ZFHX3: variants seen among roughly 807,000 people sequenced by gnomAD.
The protein encoded by ZFHX3 is zinc finger homeobox protein 3.
ZFHX3 carries 42 observed loss-of-function variants against 279.1 expected under a neutral mutation model. That is an observed-to-expected ratio of 0.15 (90% CI 0.12 to 0.19). The LOEUF (loss-of-function observed/expected upper bound fraction) is 0.19, where lower values mean the gene tolerates loss of function less well. Ranked by LOEUF, ZFHX3 falls within the 10% of genes least tolerant of loss-of-function variation. The pLI, the probability that ZFHX3 is intolerant of heterozygous loss-of-function variation, is 1.00. For missense variants in ZFHX3, 4,981 were observed against 4,754.0 expected, an observed-to-expected ratio of 1.05 and a Z score of -1.40; for synonymous variants, 2,293 against 1,957.8, an observed-to-expected ratio of 1.17 and a Z score of -4.52.
intron 5 of ZFHX3, among the ~76,000 whole-genome samples, chr16:73,169,666 GA>G (rs912878708): frequency 3.0e-3 from 401 of 134,378 alleles, no homozygotes; most frequent in Middle Eastern, 0.019. Context: ...CTCAAAAAAG[GA>G]AAAAAAAAAA....
chr16:72,986,502 G>C (rs1475457383), intron 1 of ZFHX3, among the ~76,000 whole-genome samples: 1 of 152,158 alleles, frequency 6.6e-6, no homozygotes, highest in Non-Finnish European at 1.5e-5. Context: ...CTGTGACTTG[G>C]GCTGCTGAAC....
Position 72,936,315 on chromosome 16 carries a change from G to A in ZFHX3, c.3216+14154C>T, listed in dbSNP as rs577514138. Among the ~76,000 whole-genome samples the A allele has an allele frequency of 2.0e-4, 30 of 152,358 alleles. No homozygotes were observed. The South Asian group carries it at 5.0e-3, about 25-fold the overall frequency. The stretch of plus-strand genomic sequence containing the variant: ...GGTACCCTATGGTTCAATATTTATT[G>A]AGCTGGTGTCACACACTGTTCTAAG... On this transcript the variant is annotated intron_variant, in intron 3 of 9. Coordinates refer to ENST00000268489, the MANE Select transcript of ZFHX3 (RefSeq NM_006885.4).
intron 8 of ZFHX3, among the ~76,000 whole-genome samples, chr16:73,074,710 G>A (rs1441216110): frequency 6.8e-6 from 1 of 146,808 alleles, no homozygotes; most frequent in Non-Finnish European, 1.5e-5. Context: ...GGAAGGGAGG[G>A]AGGGAGGGAG....
chr16:73,719,945 G>A (rs1032851014), intron 1 of ZFHX3, among the ~76,000 whole-genome samples: 2 of 152,042 alleles, frequency 1.3e-5, no homozygotes, highest in Non-Finnish European at 2.9e-5. Context: ...TTTTTCTCAC[G>A]GCTATCTTCC....
chr16:73,719,439 A>G lies in ZFHX3; in HGVS notation c.-1607-39199T>C, dbSNP rs115601649. On this transcript the variant is annotated intron_variant, in intron 1 of 17. Coordinates refer to the ZFHX3 transcript ENST00000641206. ...ATGTATTTATATGAGGTTCACACACATGCTTAGGAACACCTGGGTCATTGC... is the reference window on the plus strand; with the variant it reads ...ATGTATTTATATGAGGTTCACACACGTGCTTAGGAACACCTGGGTCATTGC... Among the ~76,000 whole-genome samples, 457 of 152,258 alleles carry G rather than the reference A, an allele frequency of 3.0e-3. 4 individuals are homozygous for G. Among genetic ancestry groups the G allele is most frequent in the African/African-American group, 0.01 (427 of 41,542 alleles).
chr16:73,857,035 G>A (rs1961749175), intron 1 of ZFHX3, among the ~76,000 whole-genome samples: 1 of 152,216 alleles, frequency 6.6e-6, no homozygotes, highest in Admixed American at 6.5e-5. Context: ...TCCTTCAGCA[G>A]AAGACAGACA....
At chr16:73,486,950 G>A (rs538843859) in intron 2 of ZFHX3, 10 of 436,776 alleles carry the variant, frequency 2.3e-5, no homozygotes, top group Middle Eastern at 3.4e-4. Flanking sequence ...TTGGGTTACT[G>A]GGTATTTATA....
At chr16:73,548,688 C>T (rs894764094) in intron 2 of ZFHX3, among the ~76,000 whole-genome samples, 6 of 151,632 alleles carry the variant, frequency 4.0e-5, no homozygotes, top group Non-Finnish European at 7.4e-5. Flanking sequence ...GTATATACAA[C>T]GTATTCACTC....
intron 1 of ZFHX3, among the ~76,000 whole-genome samples, chr16:73,728,015 G>C (rs1597084759): frequency 1.2e-4 from 9 of 75,482 alleles, no homozygotes; most frequent in East Asian, 6.2e-4. Flanking sequence ...GCCGAATTGT[G>C]CCCCCCCCCC....
intron 3 of ZFHX3, among the ~76,000 whole-genome samples, chr16:72,909,344 T>C (rs544847848): frequency 6.6e-5 from 10 of 152,264 alleles, no homozygotes; most frequent in Admixed American, 5.2e-4. Flanking sequence ...CATAAAAGAA[T>C]AGGCATGACT....
At chr16:73,753,040 G>A (rs1168070584) in intron 1 of ZFHX3, among the ~76,000 whole-genome samples, 1 of 152,156 alleles carries the variant, frequency 6.6e-6, no homozygotes, top group East Asian at 1.9e-4. Context: ...ATTTTTGTGT[G>A]TATTGTTGGT....
chr16:73,235,145 C>G (rs897581112), intron 5 of ZFHX3, among the ~76,000 whole-genome samples: 3 of 152,208 alleles, frequency 2.0e-5, no homozygotes, highest in African/African-American at 7.2e-5. Flanking sequence ...TCTCGGCTCA[C>G]TGCAACCTCT....
intron 4 of ZFHX3, among the ~76,000 whole-genome samples, chr16:72,837,365 A>G (rs1214570167): frequency 6.6e-6 from 1 of 152,214 alleles, no homozygotes; most frequent in East Asian, 1.9e-4. Flanking sequence ...GCCTTCTCAA[A>G]GATGACAACG....
chr16:73,526,602 CT>C (rs1197099095), intron 2 of ZFHX3, among the ~76,000 whole-genome samples: 1 of 152,180 alleles, frequency 6.6e-6, no homozygotes, highest in African/African-American at 2.4e-5. Context: ...CTTAGTTATT[CT>C]AATTTATTGG....
rs534469368 is a variant in ZFHX3, at chr16:73,122,242, G to A, written c.-897+8726C>T. Reference sequence around the variant, plus strand: ...TTTTTTTAAGATGGAGTCTCACTCTGTAGCCCAGGCTGGAGTGCAGTGACG... The same window carrying A: ...TTTTTTTAAGATGGAGTCTCACTCTATAGCCCAGGCTGGAGTGCAGTGACG... On this transcript the variant is annotated intron_variant, in intron 7 of 17. Transcript: ENST00000641206. Among the ~76,000 whole-genome samples the A allele has an allele frequency of 7.7e-4, 117 of 151,980 alleles. 1 individual carries two copies. Among genetic ancestry groups the A allele is most frequent in the Admixed American group, 1.4e-3 (22 of 15,262 alleles).
At position 73,863,905 on chromosome 16, in the gene ZFHX3, A is replaced by G. The variant is rs187874104; in HGVS notation, c.-1608+27746T>C. On this transcript the variant is annotated intron_variant, in intron 1 of 17. Transcript: ENST00000641206. Reference sequence around the variant, plus strand: ...TTCTGCTTAATATGCATATAGTCAAATTTTTCAGATAGAAAAATGATCACG... The same window carrying G: ...TTCTGCTTAATATGCATATAGTCAAGTTTTTCAGATAGAAAAATGATCACG... Among the ~76,000 whole-genome samples the G allele has an allele frequency of 7.2e-5, 11 of 152,290 alleles. No homozygotes were observed. In the East Asian group the frequency reaches 2.1e-3, roughly 29 times the overall value.
At chr16:73,192,435 A>G (rs1021783499) in intron 5 of ZFHX3, among the ~76,000 whole-genome samples, 1 of 152,134 alleles carries the variant, frequency 6.6e-6, no homozygotes, top group Non-Finnish European at 1.5e-5. Flanking sequence ...GAGGAGAGTG[A>G]TCCGGTGCCA....
At chr16:73,000,036 CTG>C (rs1319732261) in intron 1 of ZFHX3, among the ~76,000 whole-genome samples, 1 of 152,354 alleles carries the variant, frequency 6.6e-6, no homozygotes, top group African/African-American at 2.4e-5. Flanking sequence ...TGGGCTGACA[CTG>C]GGCTTTGTTC....
At chr16:73,313,460 A>G (rs1354818961) in intron 4 of ZFHX3, among the ~76,000 whole-genome samples, 1 of 152,316 alleles carries the variant, frequency 6.6e-6, no homozygotes, top group Non-Finnish European at 1.5e-5. Flanking sequence ...GGAATGCTGC[A>G]CCTATACAAC....
Sources: gnomAD v4.1 joint callset for allele counts (sites outside exome capture counted in the v4.1 genomes callset) on GRCh38, gnomAD v4.1.1 for gene constraint, MANE v1.5 for transcripts, NCBI Gene and HGNC (gene_info 2026-07-23, HGNC 2026-07-21) for gene names.